GLI2: variants seen among roughly 807,000 people sequenced by gnomAD.
GLI2 encodes the protein transcription activator GLI2.
GLI2 carries 22 observed loss-of-function variants against 78.9 expected under a neutral mutation model. The observed-to-expected ratio is 0.28, with a 90% CI of 0.20 to 0.40. The LOEUF (loss-of-function observed/expected upper bound fraction) is 0.40. Ranked by LOEUF, GLI2 falls within the 10% of genes least tolerant of loss-of-function variation. The pLI, the probability that GLI2 is intolerant of heterozygous loss-of-function variation, is 1.00. For missense variants in GLI2, 2,097 were observed against 2,213.2 expected (o/e 0.95, Z 1.05); for synonymous variants, 974 against 963.7 (o/e 1.01, Z -0.20).
chr2:120,857,007 G>C (rs954989414), intron 2 of GLI2, among the ~76,000 whole-genome samples: 2 of 152,272 alleles, frequency 1.3e-5, no homozygotes, highest in Middle Eastern at 3.4e-3. Flanking sequence ...GGAAGATGGG[G>C]TGGAGGGAAA....
intron 2 of GLI2, among the ~76,000 whole-genome samples, chr2:120,870,927 C>T (rs1688396135): frequency 6.6e-6 from 1 of 152,172 alleles, no homozygotes; most frequent in South Asian, 2.1e-4. Flanking sequence ...CACAGAAACT[C>T]AAAGTTAGAT....
rs192447436 is a variant in GLI2 at position 120,961,447 on chromosome 2, G to A, written c.643+6017G>A. Reference sequence around the variant, plus strand: ...TGGTGGAGCTGCTGTGTACAGGCACGGGCTAAGCGGTGTCTATGGGCCATC... The same window carrying A: ...TGGTGGAGCTGCTGTGTACAGGCACAGGCTAAGCGGTGTCTATGGGCCATC... On this transcript the variant is annotated intron_variant, in intron 5 of 13. Coordinates refer to ENST00000361492, the MANE Select transcript of GLI2 (RefSeq NM_001374353.1). Among the ~76,000 whole-genome samples the A allele has an allele frequency of 5.3e-5, 8 of 152,308 alleles. No individual in the cohort carries two copies. The East Asian group carries it at 1.2e-3, about 22-fold the overall frequency.
At chr2:120,798,581 A>G (rs1343740021) in intron 2 of GLI2, among the ~76,000 whole-genome samples, 3 of 152,148 alleles carry the variant, frequency 2.0e-5, no homozygotes, top group Non-Finnish European at 4.4e-5. Flanking sequence ...GGCTCATGTC[A>G]GGAAAGGGAG....
intron 2 of GLI2, among the ~76,000 whole-genome samples, chr2:120,854,535 C>T (rs1012036697): frequency 3.3e-5 from 5 of 152,270 alleles, no homozygotes; most frequent in African/African-American, 1.2e-4. Context: ...CCCAGAAGAA[C>T]CTTTGGAACC....
chr2:120,788,325 G>C (rs752698699), intron 1 of GLI2, among the ~76,000 whole-genome samples: 1 of 152,244 alleles, frequency 6.6e-6, no homozygotes, highest in Non-Finnish European at 1.5e-5. Flanking sequence ...GGGAAGGAGG[G>C]TGTGAGAGCA....
At chr2:120,808,331 A>C (rs898425953) in intron 2 of GLI2, among the ~76,000 whole-genome samples, 2 of 152,116 alleles carry the variant, frequency 1.3e-5, no homozygotes, top group Non-Finnish European at 2.9e-5. Context: ...TCCCACCATT[A>C]GGTGTTTACC....
At chr2:120,758,450 C>T (rs905836164) in intron 1 of GLI2, among the ~76,000 whole-genome samples, 3 of 152,188 alleles carry the variant, frequency 2.0e-5, no homozygotes, top group East Asian at 1.9e-4. Context: ...TCCCCCTGAC[C>T]GGGCCTCTCA....
intron 2 of GLI2, among the ~76,000 whole-genome samples, chr2:120,926,302 C>T (rs897652731): frequency 4.0e-5 from 6 of 151,850 alleles, no homozygotes; most frequent in South Asian, 4.2e-4. Context: ...TTTGGGAGGC[C>T]GAGGCAGATG....
chr2:120,810,087 G>A (rs552583864), intron 2 of GLI2, among the ~76,000 whole-genome samples: 25 of 152,328 alleles, frequency 1.6e-4, no homozygotes, highest in African/African-American at 5.8e-4. Flanking sequence ...TAACTACTCT[G>A]CTGGGGGGAG....
chr2:120,983,947 GTGTGT>G (rs1682839784), intron 11 of GLI2, among the ~76,000 whole-genome samples: 1 of 23,974 alleles, frequency 4.2e-5, no homozygotes, highest in South Asian at 9.7e-4. Context: ...GGTGTGTGGG[GTGTGT>G]GTGTGTGTGT....
intron 10 of GLI2, among the ~76,000 whole-genome samples, chr2:120,979,596 G>A (rs184260684): frequency 1.3e-5 from 2 of 152,258 alleles, no homozygotes; most frequent in Admixed American, 1.3e-4. Context: ...AGAAATAGCT[G>A]ACATACCATA....
At chr2:120,802,399 A>G (rs185664111) in intron 2 of GLI2, among the ~76,000 whole-genome samples, 36 of 152,326 alleles carry the variant, frequency 2.4e-4, no homozygotes, top group African/African-American at 8.7e-4. Flanking sequence ...TGGGAGGGCG[A>G]GTTCTTTCCC....
At chr2:120,972,964 G>A (rs534081716) in intron 8 of GLI2, among the ~76,000 whole-genome samples, 1 of 152,210 alleles carries the variant, frequency 6.6e-6, no homozygotes, top group African/African-American at 2.4e-5. Context: ...GTAAGCCCCT[G>A]GTCCCCCAAG....
intron 2 of GLI2, among the ~76,000 whole-genome samples, chr2:120,845,176 G>T (rs1687055605): frequency 6.6e-6 from 1 of 152,116 alleles, no homozygotes; most frequent in Non-Finnish European, 1.5e-5. Context: ...GGGAGGCTGA[G>T]GCATGAGAAT....
At chr2:120,741,618 T>C (rs908095194) in intron 1 of GLI2, among the ~76,000 whole-genome samples, 1 of 145,870 alleles carries the variant, frequency 6.9e-6, no homozygotes, top group African/African-American at 2.5e-5. Flanking sequence ...CTCCGCCTCC[T>C]CCCCGCCCCC....
intron 9 of GLI2, 37 bp from the exon 10 acceptor site, chr2:120,978,397 C>T: frequency 6.2e-7 from 1 of 1,613,540 alleles, no homozygotes. Flanking sequence ...GGGCCTCTGG[C>T]CCTGCTTACC....
At chr2:120,770,868 A>T (rs1476404916) in intron 1 of GLI2, among the ~76,000 whole-genome samples, 1 of 152,158 alleles carries the variant, frequency 6.6e-6, no homozygotes. Context: ...GACCTGGTGG[A>T]AGGGGCCTCC....
At chr2:120,916,513 G>A (rs1239373799) in intron 2 of GLI2, among the ~76,000 whole-genome samples, 1 of 152,250 alleles carries the variant, frequency 6.6e-6, no homozygotes, top group East Asian at 1.9e-4. Context: ...AGGCCACTTG[G>A]GCAGTTTGTG....
At chr2:120,821,049 CA>C (rs142922663) in intron 2 of GLI2, among the ~76,000 whole-genome samples, 194 of 152,142 alleles carry the variant, frequency 1.3e-3, no homozygotes, top group African/African-American at 4.2e-3. Flanking sequence ...CGAGGAAATG[CA>C]AAAAGTGTTT....
Sources: allele counts gnomAD v4.1 joint callset (sites outside exome capture counted in the v4.1 genomes callset), GRCh38; gene constraint gnomAD v4.1.1; transcripts MANE v1.5; gene names NCBI Gene and HGNC (gene_info 2026-07-23, HGNC 2026-07-21).